The following RAPGEF4 variants were observed in gnomAD, a reference collection of about 807,000 sequenced individuals.
RAPGEF4 encodes RAP guanine-nucleotide-exchange factor (GEF) 4.
RAPGEF4 carries 66 observed loss-of-function variants against 147.9 expected under a neutral mutation model. The observed-to-expected ratio is 0.45, with a 90% CI of 0.37 to 0.55. RAPGEF4 has a LOEUF of 0.55. Among genes scored for constraint, RAPGEF4 ranks in the 20% least tolerant of loss-of-function variants. The pLI, the probability that RAPGEF4 is intolerant of heterozygous loss-of-function variation, is 0.00. For synonymous variants in RAPGEF4, 419 were observed against 442.7 expected (o/e 0.95, Z 0.67); for missense variants, 1,071 against 1,257.3 (o/e 0.85, Z 2.24).
intron 1 of RAPGEF4, among the ~76,000 whole-genome samples, chr2:172,749,843 C>A (rs1695110846): frequency 6.6e-6 from 1 of 152,106 alleles, no homozygotes; most frequent in Non-Finnish European, 1.5e-5. Context: ...AGTGCTTTGC[C>A]ACTTTGAAAT....
At chr2:172,809,488 G>C (rs1351156026) in intron 3 of RAPGEF4, among the ~76,000 whole-genome samples, 1 of 152,136 alleles carries the variant, frequency 6.6e-6, no homozygotes, top group Non-Finnish European at 1.5e-5. Flanking sequence ...TCAGTTATTA[G>C]AACTGGGACA....
intron 6 of RAPGEF4, among the ~76,000 whole-genome samples, chr2:172,943,969 C>T (rs1687424759): frequency 2.0e-5 from 3 of 152,154 alleles, no homozygotes; most frequent in African/African-American, 7.2e-5. Context: ...ATGACATTAC[C>T]AGATAATAAT....
intron 25 of RAPGEF4, 104 bp downstream of exon 25, chr2:173,027,363 C>A: frequency 1.1e-6 from 1 of 920,442 alleles, no homozygotes; most frequent in Non-Finnish European, 1.6e-6. Context: ...CTAGGAACTG[C>A]TAGAGGGCCA....
At chr2:172,917,772 G>C in intron 4 of RAPGEF4, 30 bp from the exon 5 acceptor site, 1 of 1,557,864 alleles carries the variant, frequency 6.4e-7, no homozygotes, top group South Asian at 1.1e-5. Flanking sequence ...GTAAATATCT[G>C]TGTGTTGAGT....
chr2:172,815,024 C>T (rs2149605941), intron 4 of RAPGEF4, among the ~76,000 whole-genome samples: 1 of 152,298 alleles, frequency 6.6e-6, no homozygotes, highest in South Asian at 2.1e-4. Context: ...TCATTTACAA[C>T]AAGTATGAGG....
At chr2:172,842,560 G>A (rs1353448259) in intron 4 of RAPGEF4, among the ~76,000 whole-genome samples, 3 of 152,186 alleles carry the variant, frequency 2.0e-5, no homozygotes, top group Admixed American at 1.3e-4. Context: ...CCAAAGGATC[G>A]CTCCTGGCAC....
At chr2:172,762,702 G>A (rs1302023541) in intron 1 of RAPGEF4, among the ~76,000 whole-genome samples, 2 of 152,198 alleles carry the variant, frequency 1.3e-5, no homozygotes, top group Non-Finnish European at 2.9e-5. Context: ...TCCCAGCCTT[G>A]TATTTGGACA....
chr2:172,889,828 T>C lies in RAPGEF4; in HGVS notation c.445-27974T>C, dbSNP rs951233265. On this transcript the variant is annotated intron_variant, in intron 4 of 30. Transcript: ENST00000397081. ...TGTCAGTATTTAAACTCCTGGACCA[T>C]ATGTGGCTTCTCTTAGCAGATTTTG... 3.1e-6 allele frequency: 3 copies of C among 980,790 alleles called. No individual in the cohort carries two copies. In the African/African-American group the frequency reaches 5.3e-5, roughly 17 times the overall value. 60.8% of individuals were successfully genotyped at this position (980,790 alleles called of 1,614,324 possible). A position where few individuals can be genotyped will look rare whatever the true frequency, so the allele number is the denominator to read the frequency against.
intron 4 of RAPGEF4, among the ~76,000 whole-genome samples, chr2:172,902,733 C>T (rs1699204102): frequency 6.6e-6 from 1 of 152,106 alleles, no homozygotes. Context: ...AAAGTATGGG[C>T]CTGGGTGAGA....
At chr2:172,937,809 T>A (rs201940861) in intron 6 of RAPGEF4, among the ~76,000 whole-genome samples, 6 of 152,230 alleles carry the variant, frequency 3.9e-5, no homozygotes, top group East Asian at 3.9e-4. Context: ...TCATTTTTTT[T>A]ATATCACTAT....
At chr2:172,935,702 C>G (rs532816587) in intron 6 of RAPGEF4, among the ~76,000 whole-genome samples, 1 of 152,268 alleles carries the variant, frequency 6.6e-6, no homozygotes, top group East Asian at 1.9e-4. Flanking sequence ...TTAGAAAGTC[C>G]ATGCATTCCA....
At chr2:172,925,799 A>AGAGAGAGAGAGAGAGAG (rs1559124625) in intron 6 of RAPGEF4, among the ~76,000 whole-genome samples, 1 of 131,962 alleles carries the variant, frequency 7.6e-6, no homozygotes, top group Non-Finnish European at 1.7e-5. Flanking sequence ...GAGAGAGAGA[A>AGAGAGAGAGAGAGAGAG]AGAAAGAAAG....
intron 6 of RAPGEF4, among the ~76,000 whole-genome samples, chr2:172,947,893 A>G (rs1687836749): frequency 6.6e-6 from 1 of 152,198 alleles, no homozygotes; most frequent in African/African-American, 2.4e-5. Flanking sequence ...GCAGTCATAT[A>G]AACAGCATTT....
At chr2:172,852,302 G>A (rs550095851) in intron 4 of RAPGEF4, among the ~76,000 whole-genome samples, 13 of 152,162 alleles carry the variant, frequency 8.5e-5, no homozygotes, top group Non-Finnish European at 1.9e-4. Flanking sequence ...TATTCTTTCA[G>A]GTTATCTTCC....
intron 21 of RAPGEF4, 149 bp downstream of exon 21, chr2:173,017,653 C>G: frequency 1.4e-6 from 1 of 694,086 alleles, no homozygotes; most frequent in Non-Finnish European, 2.4e-6. Flanking sequence ...TTTGGTGGCC[C>G]GATTATTTAT....
intron 4 of RAPGEF4, among the ~76,000 whole-genome samples, chr2:172,833,205 GA>G (rs11432810): frequency 7.6e-6 from 1 of 131,142 alleles, no homozygotes; most frequent in Non-Finnish European, 1.6e-5. Context: ...CTCCGTCTCA[GA>G]AAAAAAAAAA....
rs73017586 is a variant in RAPGEF4 at position 173,020,750 on chromosome 2, A to G, written c.2253+35A>G. ...GATGGCCTGCTCAGAGCAGCATTGC[A>G]ATCAGAAAAACTTGTCTGGAGCCTA... On this transcript the variant is annotated intron_variant, in intron 23 of 30. Coordinates refer to ENST00000397081, the MANE Select transcript of RAPGEF4 (RefSeq NM_007023.4). 4.5e-3 allele frequency: 6,963 copies of G among 1,547,010 alleles called. 64 individuals are homozygous for G. The highest frequency in any genetic ancestry group is 0.021 in the South Asian group (1,781 of 86,062).
chr2:172,929,298 G>C (rs940461497), intron 6 of RAPGEF4, among the ~76,000 whole-genome samples: 5 of 152,114 alleles, frequency 3.3e-5, no homozygotes, highest in Non-Finnish European at 7.4e-5. Flanking sequence ...TGTCAGGCAG[G>C]TTCCCTAAGT....
intron 10 of RAPGEF4, among the ~76,000 whole-genome samples, chr2:172,982,218 C>T (rs1044249201): frequency 3.9e-5 from 6 of 152,124 alleles, no homozygotes; most frequent in African/African-American, 1.4e-4. Context: ...ATGATAATGT[C>T]ATGATGGTAC....
Sources: gnomAD v4.1 joint callset for allele counts (sites outside exome capture counted in the v4.1 genomes callset) on GRCh38, gnomAD v4.1.1 for gene constraint, MANE v1.5 for transcripts, NCBI Gene and HGNC (gene_info 2026-07-23, HGNC 2026-07-21) for gene names.